Variants in TMEM170B observed in about 807,000 individuals in gnomAD.
The protein encoded by TMEM170B is transmembrane protein 170B.
Under a neutral mutation model 13.0 loss-of-function variants are expected in TMEM170B, and 6 were observed. The ratio of observed to expected loss-of-function variants is 0.46; its 90% CI spans 0.25 to 0.91. The LOEUF is 0.91. Among genes scored for constraint, TMEM170B ranks in the 40% least tolerant of loss-of-function variants. The pLI, the probability that TMEM170B is intolerant of heterozygous loss-of-function variation, is 0.17. For synonymous variants in TMEM170B, 61 were observed against 64.9 expected, an observed-to-expected ratio of 0.94 and a Z score of 0.29; for missense variants, 138 against 165.2, an observed-to-expected ratio of 0.84 and a Z score of 0.90.
intron 1 of TMEM170B, among the ~76,000 whole-genome samples, chr6:11,546,908 T>A (rs1759448520): frequency 6.6e-6 from 1 of 152,240 alleles, no homozygotes; most frequent in African/African-American, 2.4e-5. Flanking sequence ...CATGCATACC[T>A]GTGATAAAGT....
At chr6:11,539,951 A>G (rs1447021149) in intron 1 of TMEM170B, among the ~76,000 whole-genome samples, 1 of 152,224 alleles carries the variant, frequency 6.6e-6, no homozygotes, top group African/African-American at 2.4e-5. Context: ...TTGTTTTCCT[A>G]GTGCATGTAA....
At chr6:11,560,254 T>G (rs780328383) in intron 1 of TMEM170B, among the ~76,000 whole-genome samples, 34 of 151,934 alleles carry the variant, frequency 2.2e-4, no homozygotes, top group Non-Finnish European at 3.8e-4. Context: ...AAGCTCCACC[T>G]CCTGGGTTCA....
chr6:11,575,676 A>C lies in TMEM170B; in HGVS notation c.*115A>C, dbSNP rs1759865540. ...TGCAAGAATGTGGACTGAGCAGGTCAAAGCATAAGGAAGACCTTGAGCTGT... is the reference window on the plus strand; with the variant it reads ...TGCAAGAATGTGGACTGAGCAGGTCCAAGCATAAGGAAGACCTTGAGCTGT... On this transcript the variant is annotated 3_prime_UTR_variant, in exon 3 of 3. Transcript: ENST00000379426. This position sits in a 1 kb window ranked among gnomAD's most constrained non-coding sequence, Gnocchi z 4.1. 2 of 1,318,386 alleles carry C rather than the reference A, an allele frequency of 1.5e-6. No individual in the cohort carries two copies. The highest frequency in any genetic ancestry group is 1.8e-5 in the Admixed American group (1 of 54,272). The allele number at this position is 1,318,386 out of a possible 1,614,324, so 81.7% of individuals were successfully genotyped here.
intron 1 of TMEM170B, among the ~76,000 whole-genome samples, chr6:11,547,862 T>G (rs995221661): frequency 1.8e-4 from 27 of 152,218 alleles, no homozygotes; most frequent in African/African-American, 5.8e-4. Flanking sequence ...TAATTTTGAT[T>G]CTTTAATATT....
intron 1 of TMEM170B, among the ~76,000 whole-genome samples, chr6:11,542,794 T>C (rs1439552599): frequency 6.6e-6 from 1 of 152,198 alleles, no homozygotes; most frequent in East Asian, 1.9e-4. Flanking sequence ...CTTTGTCTGC[T>C]CAAAAGAGGC....
At chr6:11,573,390 C>T (rs1390648735) in intron 2 of TMEM170B, among the ~76,000 whole-genome samples, 1 of 152,094 alleles carries the variant, frequency 6.6e-6, no homozygotes, top group Admixed American at 6.6e-5. Flanking sequence ...TTATCTTTAT[C>T]CTTTACTACT....
intron 2 of TMEM170B, among the ~76,000 whole-genome samples, chr6:11,573,977 T>C (rs1473168404): frequency 1.3e-5 from 2 of 152,186 alleles, no homozygotes; most frequent in African/African-American, 2.4e-5. Flanking sequence ...AGTTTTGAGA[T>C]GCTTATTAGC....
chr6:11,569,486 G>A (rs1759773994), intron 2 of TMEM170B, among the ~76,000 whole-genome samples: 1 of 152,092 alleles, frequency 6.6e-6, no homozygotes, highest in Admixed American at 6.6e-5. Flanking sequence ...TTTTTGTAAA[G>A]GGCCAAGTAA....
intron 1 of TMEM170B, among the ~76,000 whole-genome samples, chr6:11,552,425 T>C (rs1327246307): frequency 1.3e-5 from 2 of 152,236 alleles, no homozygotes. Flanking sequence ...ATAATACAGT[T>C]ATCCCTGAGT....
At chr6:11,541,205 A>C (rs947327364) in intron 1 of TMEM170B, among the ~76,000 whole-genome samples, 8 of 152,188 alleles carry the variant, frequency 5.3e-5, no homozygotes, top group African/African-American at 1.9e-4. Context: ...TGAAGCTTGG[A>C]AGTCAGGGAT....
At chr6:11,541,201 T>C (rs941841942) in intron 1 of TMEM170B, among the ~76,000 whole-genome samples, 1 of 152,220 alleles carries the variant, frequency 6.6e-6, no homozygotes, top group African/African-American at 2.4e-5. Context: ...CCTTTGAAGC[T>C]TGGAAGTCAG....
intron 1 of TMEM170B, among the ~76,000 whole-genome samples, chr6:11,552,851 AG>A (rs1759542721): frequency 6.6e-6 from 1 of 152,214 alleles, no homozygotes; most frequent in African/African-American, 2.4e-5. Context: ...GACTGGCTTA[AG>A]GTCTACAATT....
intron 1 of TMEM170B, among the ~76,000 whole-genome samples, chr6:11,548,640 A>G (rs548071761): frequency 7.2e-5 from 11 of 152,312 alleles, no homozygotes; most frequent in Non-Finnish European, 1.5e-4. Flanking sequence ...TTATTGTGGC[A>G]CTATTCATAA....
chr6:11,565,211 TTAAAGA>T (rs1212381186), intron 1 of TMEM170B, among the ~76,000 whole-genome samples: 4 of 152,208 alleles, frequency 2.6e-5, no homozygotes, highest in Admixed American at 2.6e-4. Context: ...ACTGAAATTC[TTAAAGA>T]TAAAAGGTAA....
chr6:11,563,143 C>G (rs1759692707), intron 1 of TMEM170B, among the ~76,000 whole-genome samples: 1 of 152,140 alleles, frequency 6.6e-6, no homozygotes, highest in Admixed American at 6.5e-5. Context: ...TTGAGACAGC[C>G]TGACCAACAC....
intron 1 of TMEM170B, among the ~76,000 whole-genome samples, chr6:11,545,424 A>G (rs1759423962): frequency 6.6e-6 from 1 of 152,016 alleles, no homozygotes; most frequent in Admixed American, 6.6e-5. Context: ...CCCCATATAT[A>G]CAGTCATGTG....
intron 1 of TMEM170B, among the ~76,000 whole-genome samples, chr6:11,547,275 A>C (rs1759452456): frequency 6.6e-6 from 1 of 152,208 alleles, no homozygotes; most frequent in African/African-American, 2.4e-5. Context: ...GTTCACATTC[A>C]TACTGGTATA....
At chr6:11,549,513 G>T (rs978384265) in intron 1 of TMEM170B, among the ~76,000 whole-genome samples, 1 of 134,824 alleles carries the variant, frequency 7.4e-6, no homozygotes. Context: ...AATACAAAAA[G>T]TTAGCCAGGC....
intron 1 of TMEM170B, among the ~76,000 whole-genome samples, chr6:11,539,953 T>A (rs1759337202): frequency 6.6e-6 from 1 of 152,204 alleles, no homozygotes; most frequent in East Asian, 1.9e-4. Flanking sequence ...GTTTTCCTAG[T>A]GCATGTAAAA....
Sources: allele counts gnomAD v4.1 joint callset (sites outside exome capture counted in the v4.1 genomes callset), GRCh38; gene constraint gnomAD v4.1.1; non-coding constraint Gnocchi (gnomAD v3.1); transcripts MANE v1.5; gene names NCBI Gene and HGNC (gene_info 2026-07-23, HGNC 2026-07-21).